HDAC9: variants seen among roughly 807,000 people sequenced by gnomAD.
HDAC9 encodes the protein MEF-2 interacting transcription repressor (MITR) protein.
Under a neutral mutation model 139.4 loss-of-function variants are expected in HDAC9, and 41 were observed. The observed-to-expected ratio is 0.29, with a 90% CI of 0.23 to 0.38. The LOEUF is 0.38. Ranked by LOEUF, HDAC9 falls within the 10% of genes least tolerant of loss-of-function variation. HDAC9 has a pLI of 1.00. For missense variants in HDAC9, 1,147 were observed against 1,297.0 expected (o/e 0.88, Z 1.78); for synonymous variants, 517 against 476.2 (o/e 1.09, Z -1.12).
chr7:18,400,263 A>T (rs1356962806), intron 1 of HDAC9, among the ~76,000 whole-genome samples: 1 of 152,240 alleles, frequency 6.6e-6, no homozygotes, highest in Non-Finnish European at 1.5e-5. Context: ...AGGTAAAAGC[A>T]TGCGATGTGT....
intron 1 of HDAC9, among the ~76,000 whole-genome samples, chr7:18,421,405 AAAAG>A (rs1410319319): frequency 6.6e-6 from 1 of 151,564 alleles, no homozygotes; most frequent in African/African-American, 2.4e-5. Context: ...GGGAGGGAAG[AAAAG>A]AAGGAAGGAA....
At chr7:18,719,712 A>C (rs919883359) in intron 12 of HDAC9, among the ~76,000 whole-genome samples, 17 of 151,946 alleles carry the variant, frequency 1.1e-4, no homozygotes, top group African/African-American at 4.1e-4. Flanking sequence ...GTACTCCTCT[A>C]TTTCGTCTGA....
At chr7:18,336,442 G>A (rs1410036493) in intron 1 of HDAC9, among the ~76,000 whole-genome samples, 1 of 151,598 alleles carries the variant, frequency 6.6e-6, no homozygotes, top group East Asian at 1.9e-4. Flanking sequence ...GTAATGAGAA[G>A]ACTGTTGATT....
chr7:18,681,616 G>A (rs564042005), intron 12 of HDAC9, among the ~76,000 whole-genome samples: 1 of 152,100 alleles, frequency 6.6e-6, no homozygotes, highest in South Asian at 2.1e-4. Context: ...CTTGTCCCAG[G>A]TGATCAATTT....
intron 12 of HDAC9, among the ~76,000 whole-genome samples, chr7:18,708,153 G>C (rs1784078960): frequency 6.6e-6 from 1 of 152,118 alleles, no homozygotes; most frequent in South Asian, 2.1e-4. Context: ...AGAGGAGGGG[G>C]CAGGAAGTTG....
At chr7:18,522,617 C>CAAAAAAAAAAAAAA in intron 2 of HDAC9, among the ~76,000 whole-genome samples, 1 of 130,396 alleles carries the variant, frequency 7.7e-6, no homozygotes. Flanking sequence ...AAACAAAAAA[C>CAAAAAAAAAAAAAA]AAAAAAAAAA....
At chr7:18,237,589 G>A (rs548839384) in intron 2 of HDAC9, among the ~76,000 whole-genome samples, 1 of 152,272 alleles carries the variant, frequency 6.6e-6, no homozygotes, top group Admixed American at 6.5e-5. Context: ...AGGCACACTA[G>A]GGAGTTAATG....
chr7:18,378,227 G>A (rs1028885579), intron 1 of HDAC9, among the ~76,000 whole-genome samples: 1 of 152,004 alleles, frequency 6.6e-6, no homozygotes, highest in East Asian at 1.9e-4. Flanking sequence ...CAAGTCAAAG[G>A]AGTTTCAATT....
At chr7:18,878,363 G>GGCTATCATCT (rs530846376) in intron 22 of HDAC9, among the ~76,000 whole-genome samples, 1,552 of 152,194 alleles carry the variant, frequency 0.01, 1 homozygote, top group South Asian at 0.018. Flanking sequence ...TTGGAATTAT[G>GGCTATCATCT]CAAAATCATT....
At chr7:18,280,604 AAAC>A (rs1797041468) in intron 2 of HDAC9, among the ~76,000 whole-genome samples, 2 of 151,468 alleles carry the variant, frequency 1.3e-5, no homozygotes, top group African/African-American at 4.9e-5. Context: ...AAAAAACAAA[AAAC>A]AAAAAAAATA....
chr7:18,539,721 G>A (rs942041715), intron 2 of HDAC9, among the ~76,000 whole-genome samples: 1 of 151,988 alleles, frequency 6.6e-6, no homozygotes. Context: ...AAAACATTTG[G>A]TAGGTAACAG....
chr7:18,947,329 T>G (rs1455174584), intron 23 of HDAC9, among the ~76,000 whole-genome samples: 1 of 151,840 alleles, frequency 6.6e-6, no homozygotes, highest in African/African-American at 2.4e-5. Flanking sequence ...TTCTTTGAAA[T>G]AAGTAGTAAA....
chr7:18,158,701 T>C (rs1787403148), intron 1 of HDAC9, among the ~76,000 whole-genome samples: 1 of 152,218 alleles, frequency 6.6e-6, no homozygotes, highest in Non-Finnish European at 1.5e-5. Context: ...TTGTGACATA[T>C]AAAGCTCTGC....
intron 1 of HDAC9, among the ~76,000 whole-genome samples, chr7:18,455,534 G>A (rs540893933): frequency 3.3e-5 from 5 of 152,270 alleles, no homozygotes; most frequent in Admixed American, 3.3e-4. Context: ...TGCCAGCCAG[G>A]TCTCAGTGTT....
intron 1 of HDAC9, among the ~76,000 whole-genome samples, chr7:18,143,255 C>T (rs1318212165): frequency 6.6e-6 from 1 of 152,168 alleles, no homozygotes; most frequent in Non-Finnish European, 1.5e-5. Context: ...CCTGGAAGAA[C>T]ATTCTTCAAA....
intron 23 of HDAC9, among the ~76,000 whole-genome samples, chr7:18,951,051 G>A (rs1435325602): frequency 2.6e-5 from 4 of 151,798 alleles, no homozygotes; most frequent in South Asian, 2.1e-4. Context: ...TCAGTACAGC[G>A]TAAATTTTAA....
chr7:18,834,380 GT>G (rs141925606), intron 19 of HDAC9, among the ~76,000 whole-genome samples: 77 of 146,404 alleles, frequency 5.3e-4, no homozygotes, highest in African/African-American at 1.6e-3. Flanking sequence ...TAATTGAGGT[GT>G]TTTTTTTTTA....
At chr7:18,166,145 A>G (rs1312899727) in intron 2 of HDAC9, among the ~76,000 whole-genome samples, 1 of 152,192 alleles carries the variant, frequency 6.6e-6, no homozygotes, top group Non-Finnish European at 1.5e-5. Context: ...ATCCAAAGGA[A>G]TTTTCCAAGC....
intron 2 of HDAC9, among the ~76,000 whole-genome samples, chr7:18,275,487 C>G (rs1382182973): frequency 6.6e-6 from 1 of 152,168 alleles, no homozygotes; most frequent in African/African-American, 2.4e-5. Context: ...CTCCCTATTT[C>G]TCTTCCAGAA....
Sources: gnomAD v4.1 joint callset for allele counts (sites outside exome capture counted in the v4.1 genomes callset) on GRCh38, gnomAD v4.1.1 for gene constraint, MANE v1.5 for transcripts, NCBI Gene and HGNC (gene_info 2026-07-23, HGNC 2026-07-21) for gene names.